The following QNG1 variants were observed in gnomAD, a reference collection of about 807,000 sequenced individuals.
QNG1 encodes the protein queuosine 5'-phosphate N-glycosylase/hydrolase.
the QNG1 span, chr9:83,939,368 G>A: frequency 1.7e-5 from 11 of 639,082 alleles, no homozygotes; most frequent in Middle Eastern, 6.4e-4. Flanking sequence ...CACTGTGCCC[G>A]GCCTAGGAAG....
chr9:83,946,305 AAAT>A, the QNG1 span, among the ~76,000 whole-genome samples: 1 of 152,070 alleles, frequency 6.6e-6, no homozygotes, highest in East Asian at 1.9e-4. Context: ...GCTCTGTCAA[AAAT>A]AATAATAATT....
chr9:83,941,687 T>C, the QNG1 span, among the ~76,000 whole-genome samples: 2 of 151,338 alleles, frequency 1.3e-5, no homozygotes, highest in African/African-American at 2.4e-5. Context: ...CCAAGGCGGG[T>C]GGATCACCTG....
chr9:83,938,436 TTAAAA>T, the QNG1 span: 1 of 152,052 alleles, frequency 6.6e-6, no homozygotes, highest in Non-Finnish European at 1.5e-5. Flanking sequence ...AATAAAAAGT[TTAAAA>T]TAAAGTGTCA....
At chr9:83,943,037 T>C in the QNG1 span, among the ~76,000 whole-genome samples, 1 of 151,980 alleles carries the variant, frequency 6.6e-6, no homozygotes, top group Non-Finnish European at 1.5e-5. Context: ...CTGTGATGTA[T>C]AGGATTTGAA....
At chr9:83,944,718 G>T in the QNG1 span, 2 of 1,145,848 alleles carry the variant, frequency 1.7e-6, no homozygotes, top group South Asian at 1.4e-5. Context: ...TAAAGCAAAG[G>T]AGACCTTTTG....
At chr9:83,940,062 G>A in the QNG1 span, among the ~76,000 whole-genome samples, 1 of 152,088 alleles carries the variant, frequency 6.6e-6, no homozygotes, top group Admixed American at 6.6e-5. Context: ...AACTATGACT[G>A]CTAGTTATTA....
At chr9:83,941,029 A>G in the QNG1 span, among the ~76,000 whole-genome samples, 1 of 152,176 alleles carries the variant, frequency 6.6e-6, no homozygotes, top group East Asian at 1.9e-4. Flanking sequence ...ACTTGCTAAA[A>G]CTGCCAAATC....
At chr9:83,951,403 T>C in the QNG1 span, among the ~76,000 whole-genome samples, 1 of 151,862 alleles carries the variant, frequency 6.6e-6, no homozygotes, top group Non-Finnish European at 1.5e-5. Context: ...TCTACTAATA[T>C]ACAAAAATTA....
the QNG1 span, among the ~76,000 whole-genome samples, chr9:83,949,242 C>T: frequency 1.3e-5 from 2 of 152,166 alleles, no homozygotes; most frequent in African/African-American, 4.8e-5. Context: ...TGCTATCACC[C>T]TATATTCCTA....
chr9:83,953,460 G>A, the QNG1 span, among the ~76,000 whole-genome samples: 4 of 147,774 alleles, frequency 2.7e-5, no homozygotes, highest in Non-Finnish European at 5.9e-5. Flanking sequence ...TGGTTCTCCT[G>A]CCTCAGCCTC....
chr9:83,939,723 C>T, the QNG1 span: 1 of 1,614,002 alleles, frequency 6.2e-7, no homozygotes, highest in Non-Finnish European at 8.5e-7. Context: ...TCTTGCCTGT[C>T]TCCATATGAG....
the QNG1 span, chr9:83,955,534 C>T: frequency 1.9e-6 from 3 of 1,614,178 alleles, no homozygotes; most frequent in South Asian, 2.2e-5. Flanking sequence ...GAATCCGATG[C>T]CTCTCTTCTA....
chr9:83,956,217 GT>G, the QNG1 span: 1 of 1,613,764 alleles, frequency 6.2e-7, no homozygotes, highest in East Asian at 2.2e-5. Context: ...CCCACTGTAT[GT>G]TTTCCCTCTG....
the QNG1 span, chr9:83,956,307 A>C: frequency 6.2e-7 from 1 of 1,614,024 alleles, no homozygotes; most frequent in Non-Finnish European, 8.5e-7. Context: ...CACCCAGTTG[A>C]CCGCGGCCTC....
the QNG1 span, among the ~76,000 whole-genome samples, chr9:83,949,126 T>C: frequency 6.6e-6 from 1 of 152,226 alleles, no homozygotes; most frequent in African/African-American, 2.4e-5. Context: ...GAATTTGTTT[T>C]CCAGAGCAAG....
chr9:83,952,089 C>T, the QNG1 span, among the ~76,000 whole-genome samples: 6 of 152,136 alleles, frequency 3.9e-5, no homozygotes, highest in Non-Finnish European at 7.4e-5. Flanking sequence ...TGGGCTCAAG[C>T]GATCCTCCTG....
chr9:83,940,695 GT>G, the QNG1 span, among the ~76,000 whole-genome samples: 1 of 152,214 alleles, frequency 6.6e-6, no homozygotes, highest in Non-Finnish European at 1.5e-5. Flanking sequence ...ATTTTCAAGT[GT>G]TGGAAACTAA....
the QNG1 span, among the ~76,000 whole-genome samples, chr9:83,946,862 G>A: frequency 6.6e-6 from 1 of 152,038 alleles, no homozygotes; most frequent in Non-Finnish European, 1.5e-5. Flanking sequence ...GCCTCTCAAA[G>A]TGCTGGGATT....
At chr9:83,947,135 TA>T in the QNG1 span, among the ~76,000 whole-genome samples, 1 of 152,152 alleles carries the variant, frequency 6.6e-6, no homozygotes, top group Non-Finnish European at 1.5e-5. Context: ...TGGAAAAACA[TA>T]GATAATTACA....
Sources: gnomAD v4.1 joint callset for allele counts (sites outside exome capture counted in the v4.1 genomes callset) on GRCh38, gnomAD v4.1.1 for gene constraint, MANE v1.5 for transcripts, NCBI Gene and HGNC (gene_info 2026-07-23, HGNC 2026-07-21) for gene names.